C1orf167: variants seen among roughly 807,000 people sequenced by gnomAD.
The protein encoded by C1orf167 is chromosome 1 open reading frame 167, also known as uncharacterized protein C1orf167.
C1orf167 carries 153 observed loss-of-function variants against 176.5 expected under a neutral mutation model. The ratio of observed to expected loss-of-function variants is 0.87; its 90% CI spans 0.76 to 0.99. The LOEUF is 0.99. Among genes scored for constraint, C1orf167 ranks in the 50% least tolerant of loss-of-function variants. The pLI is 0.00. For synonymous variants in C1orf167, 594 were observed against 752.7 expected (o/e 0.79, Z 3.45); for missense variants, 1,490 against 1,817.7 (o/e 0.82, Z 3.28).
At chr1:11,770,138 T>C (rs1032718138) in intron 6 of C1orf167, among the ~76,000 whole-genome samples, 2 of 130,020 alleles carry the variant, frequency 1.5e-5, no homozygotes, top group Non-Finnish European at 3.4e-5. Context: ...AAAGGGAAAA[T>C]GGTGTGGCAA....
At position 11,782,437 on chromosome 1, in the gene C1orf167, G is replaced by A; in HGVS notation, c.3005+104G>A. 4.7e-6 allele frequency: 5 copies of A among 1,072,422 alleles called. No homozygotes were observed. The South Asian group carries it at 9.3e-5, about 20-fold the overall frequency. 66.4% of individuals were successfully genotyped at this position (1,072,422 alleles called of 1,614,324 possible). ...GCTCAGACGGTGGCCCAGATAGGAG[G>A]CCTGTGGCCTGGGAAAAAAGGGGCA... On this transcript the variant is annotated intron_variant, in intron 14 of 20. Coordinates refer to ENST00000688073, the MANE Select transcript of C1orf167 (RefSeq NM_001010881.2).
intron 9 of C1orf167, 52 bp downstream of exon 9, chr1:11,775,662 C>T (rs1157851533): frequency 7.9e-7 from 1 of 1,259,330 alleles, no homozygotes; most frequent in East Asian, 5.7e-5. Context: ...TAAGCCCCTT[C>T]TTCAGTGGTC....
intron 1 of C1orf167, among the ~76,000 whole-genome samples, chr1:11,763,833 G>A (rs1017535491): frequency 3.3e-5 from 5 of 152,194 alleles, no homozygotes; most frequent in Non-Finnish European, 5.9e-5. Context: ...TCCTGGATGC[G>A]TGTGGGAGGC....
At chr1:11,781,321 A>G (rs934015894) in intron 13 of C1orf167, among the ~76,000 whole-genome samples, 3 of 152,086 alleles carry the variant, frequency 2.0e-5, no homozygotes, top group African/African-American at 7.2e-5. Flanking sequence ...TTATAACCTG[A>G]TATCAGAAGT....
In C1orf167 at chr1:11,768,207, C is replaced by T. The variant is rs1375060623; in HGVS notation, c.1474C>T (p.Arg492Trp). ...LRKCLQALWL[R>W]EAQLEAAWGQ... ...AAAGTGCCTTCAGGCCTTGTGGCTC[C>T]GGGAGGCTCAGCTGGAGGCAGCATG... The change falls in exon 5 of 21, where the codon CGG becomes TGG. Residue 492 changes from arginine to tryptophan, a missense_variant. Physicochemically the swap from Arg to Trp is moderately radical, Grantham distance 101. Transcript: ENST00000688073. The surrounding 1 kb of genome is among the most constrained non-coding windows in gnomAD (Gnocchi z 4.5). The T allele has an allele frequency of 2.6e-5, 34 of 1,289,620 alleles. No homozygotes were observed. The highest frequency in any genetic ancestry group is 1.4e-4 in the Admixed American group (6 of 43,536). The allele number at this position is 1,289,620 out of a possible 1,614,324, so 79.9% of individuals were successfully genotyped here.
chr1:11,765,248 A>G (rs1300437592), intron 2 of C1orf167, among the ~76,000 whole-genome samples: 1 of 151,488 alleles, frequency 6.6e-6, no homozygotes, highest in African/African-American at 2.4e-5. Context: ...TTTATGGCCC[A>G]CTCTACCTGC....
chr1:11,782,934 AAAGG>A (rs1241767012), intron 14 of C1orf167, among the ~76,000 whole-genome samples: 12 of 149,812 alleles, frequency 8.0e-5, no homozygotes, highest in Middle Eastern at 3.4e-3. Flanking sequence ...AAAAAAAAAA[AAAGG>A]AGGAGAAATC....
chr1:11,780,448 C>G (rs1302293671), intron 13 of C1orf167, among the ~76,000 whole-genome samples: 1 of 152,180 alleles, frequency 6.6e-6, no homozygotes, highest in African/African-American at 2.4e-5. Flanking sequence ...GGTGATGAGA[C>G]CCCCACAGGG....
At position 11,787,904 on chromosome 1, in the gene C1orf167, C is replaced by T. The variant is rs1337272003; in HGVS notation, c.3705C>T (p.Phe1235=). The change falls in exon 18 of 21, where the codon TTC becomes TTT. Residue 1235 remains phenylalanine (F), a synonymous_variant. Transcript: ENST00000688073. ...GGGAACATTCCCTCTGCCCTGCCTT[C>T]CAGCTCTGGCCACAGTGGCCTGGAC... ...RCREHSLCPA[F]QLWPQWPGQS... 8.0e-7 allele frequency: 1 copy of T among 1,256,162 alleles called. No homozygotes were observed. The highest frequency in any genetic ancestry group is 1.4e-5 in the South Asian group (1 of 73,436). 77.8% of individuals were successfully genotyped at this position (1,256,162 alleles called of 1,614,324 possible). A position where few individuals can be genotyped will look rare whatever the true frequency, so the allele number is the denominator to read the frequency against.
At chr1:11,771,897 G>T (rs1643096665) in intron 7 of C1orf167, among the ~76,000 whole-genome samples, 185 bp from the exon 8 acceptor site, 1 of 152,132 alleles carries the variant, frequency 6.6e-6, no homozygotes, top group Non-Finnish European at 1.5e-5. Flanking sequence ...AGCACGGCCT[G>T]CATTTCTGGG....
At position 11,768,133 on chromosome 1, in the gene C1orf167, G is replaced by A. The variant is rs1343471762; in HGVS notation, c.1400G>A (p.Arg467Gln). 1.2e-5 allele frequency: 16 copies of A among 1,289,574 alleles called. No homozygotes were observed. Among genetic ancestry groups the A allele is most frequent in the South Asian group, 3.7e-5 (3 of 81,004 alleles). 79.9% of individuals were successfully genotyped at this position (1,289,574 alleles called of 1,614,324 possible). ...TGGAGGCACTTGGTGAAGAGGCAGC[G>A]GGAGCCAGCGGCGGCGGCAGTGGCA... ...RSWRHLVKRQ[R>Q]EPAAAAVALG... The change falls in exon 5 of 21, where the codon CGG (arginine) becomes CAG (glutamine). Residue 467 changes from arginine (R) to glutamine (Q), a missense_variant. Physicochemically the swap from Arg to Gln is conservative, Grantham distance 43. Coordinates refer to ENST00000688073, the MANE Select transcript of C1orf167 (RefSeq NM_001010881.2). This position sits in a 1 kb window ranked among gnomAD's most constrained non-coding sequence, Gnocchi z 4.5.
chr1:11,763,226 G>A (rs1374574324), intron 1 of C1orf167, among the ~76,000 whole-genome samples: 4 of 152,306 alleles, frequency 2.6e-5, no homozygotes, highest in Middle Eastern at 3.4e-3. Flanking sequence ...AATCACCTGA[G>A]GTCAGGAGTT....
Position 11,778,768 on chromosome 1 carries a change from G to A in C1orf167, c.2448G>A (p.Ser816=), listed in dbSNP as rs1196186707. Residue 816 remains serine, a synonymous_variant, in exon 11 of 21, where the codon TCG becomes TCA. Transcript: ENST00000688073. ...CATCAAGCTGCACCAAGACCCCCTCGGCTCTGGAGCCACTGAGCAGCAGCA... is the reference window on the plus strand; with the variant it reads ...CATCAAGCTGCACCAAGACCCCCTCAGCTCTGGAGCCACTGAGCAGCAGCA... ...DATSSCTKTP[S]ALEPLSSSTL... 2.3e-6 allele frequency: 3 copies of A among 1,304,076 alleles called. No homozygotes were observed. The highest frequency in any genetic ancestry group is 5.6e-5 in the East Asian group (1 of 18,010). The allele number at this position is 1,304,076 out of a possible 1,614,324, so 80.8% of individuals were successfully genotyped here. A position where few individuals can be genotyped will look rare whatever the true frequency, so the allele number is the denominator to read the frequency against.
chr1:11,763,161 T>C (rs1299196705), intron 1 of C1orf167, among the ~76,000 whole-genome samples: 1 of 152,100 alleles, frequency 6.6e-6, no homozygotes, highest in African/African-American at 2.4e-5. Flanking sequence ...TTTGCGGGGC[T>C]GGGTGTGGTG....
chr1:11,788,946 G>C (rs1643992974), intron 20 of C1orf167, 200 bp downstream of exon 20: 8 of 410,400 alleles, frequency 1.9e-5, no homozygotes, highest in South Asian at 1.6e-4. Flanking sequence ...TGTGGCCCCA[G>C]CTCAGGCCAG....
chr1:11,785,507 C>T (rs1375734261), intron 16 of C1orf167, among the ~76,000 whole-genome samples: 4 of 152,190 alleles, frequency 2.6e-5, no homozygotes, highest in Admixed American at 1.3e-4. Flanking sequence ...CCAGCAACCT[C>T]GTATGCACCA....
chr1:11,781,471 T>TA (rs1643600506), intron 13 of C1orf167, among the ~76,000 whole-genome samples: 1 of 152,150 alleles, frequency 6.6e-6, no homozygotes, highest in Admixed American at 6.5e-5. Context: ...CATATCGCAT[T>TA]AATGAGCTGG....
intron 13 of C1orf167, 100 bp downstream of exon 13, chr1:11,780,110 C>T (rs927294815): frequency 3.3e-6 from 3 of 913,918 alleles, no homozygotes; most frequent in African/African-American, 1.7e-5. Context: ...ACTGTAACCG[C>T]ATGGGAGAAC....
chr1:11,768,192 CA>C lies in C1orf167; in HGVS notation c.1460del (p.Gln487ArgfsTer84). The C allele has an allele frequency of 7.8e-7, 1 of 1,289,742 alleles. No homozygotes were observed. The highest frequency in any genetic ancestry group is 1.0e-6 in the Non-Finnish European group (1 of 988,752). The allele number at this position is 1,289,742 out of a possible 1,614,324, so 79.9% of individuals were successfully genotyped here. A position where few individuals can be genotyped will look rare whatever the true frequency, so the allele number is the denominator to read the frequency against. Reference protein sequence around the residue: ...GRWQLLRKCLQALWLREAQLE... With the variant: ...GRWQLLRKCLXALWLREAQLE... The stretch of plus-strand genomic sequence containing the variant: ...CTGGCAGCTGTTGCGAAAGTGCCTT[CA>C]GGCCTTGTGGCTCCGGGAGGCTCAG... On this transcript the variant is annotated frameshift_variant, in exon 5 of 21. Transcript: ENST00000688073. LOFTEE classifies it high-confidence loss of function. This position sits in a 1 kb window ranked among gnomAD's most constrained non-coding sequence, Gnocchi z 4.5.
Sources: gnomAD v4.1 joint callset for allele counts (sites outside exome capture counted in the v4.1 genomes callset) on GRCh38, gnomAD v4.1.1 for gene constraint, Gnocchi (gnomAD v3.1) non-coding constraint, MANE v1.5 for transcripts, NCBI Gene and HGNC (gene_info 2026-07-23, HGNC 2026-07-21) for gene names.